The following MIER2 variants were observed in gnomAD, a reference collection of about 807,000 sequenced individuals.
MIER2 encodes the protein MIER family member 2, also known as mesoderm induction early response protein 2.
Under a neutral mutation model 67.6 loss-of-function variants are expected in MIER2, and 30 were observed. The observed-to-expected ratio is 0.44, with a 90% confidence interval of 0.33 to 0.60. MIER2 has a LOEUF of 0.60. Ranked by LOEUF, MIER2 falls within the 20% of genes least tolerant of loss-of-function variation. MIER2 has a pLI of 0.02. For missense variants in MIER2, 702 were observed against 745.1 expected (o/e 0.94, Z 0.67); for synonymous variants, 372 against 312.6 (o/e 1.19, Z -2.00).
At chr19:315,352 C>T (rs1010856362) in intron 7 of MIER2, among the ~76,000 whole-genome samples, 6 of 152,228 alleles carry the variant, frequency 3.9e-5, no homozygotes, top group South Asian at 2.1e-4. Flanking sequence ...GCGAGAAGAG[C>T]GAGACTCCGT....
rs1261712357 is a variant in MIER2, at chr19:344,466, G to T, written c.9+308C>A. 5 of 765,758 alleles carry T rather than the reference G, an allele frequency of 6.5e-6. No individual in the cohort carries two copies. In the African/African-American group the frequency reaches 9.5e-5, roughly 15 times the overall value. 47.4% of individuals were successfully genotyped at this position (765,758 alleles called of 1,614,324 possible). A position where few individuals can be genotyped will look rare whatever the true frequency, so the allele number is the denominator to read the frequency against. On this transcript the variant is annotated intron_variant, in intron 1 of 13. Coordinates refer to ENST00000264819, the MANE Select transcript of MIER2 (RefSeq NM_017550.3). ...GGAGCCGCGCGCCCACCGGACCCCC[G>T]ACACCAGCCCCGCCCCGCGTCCCTC...
At chr19:313,452 C>T in intron 8 of MIER2, 40 bp downstream of exon 8, 6 of 1,596,326 alleles carry the variant, frequency 3.8e-6, no homozygotes, top group Non-Finnish European at 5.1e-6. Flanking sequence ...CACGCCACGG[C>T]AGCCCTCAGC....
chr19:317,154 G>A (rs767015926), intron 7 of MIER2, among the ~76,000 whole-genome samples: 5 of 152,150 alleles, frequency 3.3e-5, no homozygotes, highest in Non-Finnish European at 7.3e-5. Flanking sequence ...CAGCACTTTG[G>A]GAGGCCGACG....
chr19:334,213 T>C, intron 3 of MIER2, 187 bp downstream of exon 3: 1 of 762,574 alleles, frequency 1.3e-6, no homozygotes, highest in Admixed American at 2.6e-5. Flanking sequence ...ACCACCGTGC[T>C]GCTCAGAGAG....
rs555215109 is a variant in MIER2, at chr19:329,483, A to T, written c.244-1494T>A. Reference sequence around the variant, plus strand: ...CTTGCACTGATAGTGCAGCATTGGCAGCCGGCAAGAGCCCAGTGCCCGTGG... The same window carrying T: ...CTTGCACTGATAGTGCAGCATTGGCTGCCGGCAAGAGCCCAGTGCCCGTGG... On this transcript the variant is annotated intron_variant, in intron 3 of 13. Transcript: ENST00000264819. Among the ~76,000 whole-genome samples the T allele has an allele frequency of 2.6e-5, 4 of 152,318 alleles. No individual in the cohort carries two copies. In the East Asian group the frequency reaches 7.7e-4, roughly 29 times the overall value.
intron 3 of MIER2, among the ~76,000 whole-genome samples, chr19:332,139 C>T (rs1972056973): frequency 6.6e-6 from 1 of 151,968 alleles, no homozygotes; most frequent in Non-Finnish European, 1.5e-5. Flanking sequence ...ATTTATTCAG[C>T]CTCCTGAGTA....
intron 8 of MIER2, among the ~76,000 whole-genome samples, chr19:313,239 A>G (rs1971091473): frequency 6.6e-6 from 1 of 151,982 alleles, no homozygotes; most frequent in African/African-American, 2.4e-5. Context: ...CTACACCTCT[A>G]TCCAGGGAGT....
intron 3 of MIER2, 26 bp downstream of exon 3, chr19:334,374 G>T (rs747269350): frequency 2.5e-6 from 4 of 1,613,372 alleles, no homozygotes; most frequent in Non-Finnish European, 3.4e-6. Flanking sequence ...ACCCAACACA[G>T]GGGCAGGATC....
chr19:335,396 A>G (rs1972198077), intron 2 of MIER2, among the ~76,000 whole-genome samples: 1 of 152,200 alleles, frequency 6.6e-6, no homozygotes. Context: ...CGTTAGAGTG[A>G]GGGAATGACC....
chr19:312,326 A>T, intron 8 of MIER2, 54 bp from the exon 9 acceptor site: 1 of 1,563,564 alleles, frequency 6.4e-7, no homozygotes, highest in Non-Finnish European at 8.8e-7. Flanking sequence ...AGCCGACAGC[A>T]AGAACTGTCT....
At chr19:344,157 A>C (rs1441883656) in intron 1 of MIER2, 1 of 985,280 alleles carries the variant, frequency 1.0e-6, no homozygotes, top group Admixed American at 6.1e-5. Flanking sequence ...CTCTTCTGAG[A>C]TCAGCCCCGA....
At chr19:315,897 C>T (rs1395097075) in intron 7 of MIER2, among the ~76,000 whole-genome samples, 3 of 152,100 alleles carry the variant, frequency 2.0e-5, no homozygotes, top group Non-Finnish European at 4.4e-5. Context: ...CACAGGAGAG[C>T]CAAACTGGTG....
At chr19:338,083 G>A (rs1269490165) in intron 1 of MIER2, among the ~76,000 whole-genome samples, 40 of 135,704 alleles carry the variant, frequency 2.9e-4, no homozygotes, top group African/African-American at 1.0e-3. Context: ...GAGGCAGGAG[G>A]ATCGCTTGAA....
chr19:306,841 C>T (rs945202151), intron 13 of MIER2, 130 bp from the exon 14 acceptor site: 28 of 1,442,674 alleles, frequency 1.9e-5, no homozygotes, highest in African/African-American at 9.9e-5. Context: ...CAGCCGGGCC[C>T]GGGGTGCCCT....
At chr19:325,797 G>T (rs1296412483) in intron 6 of MIER2, 93 bp from the exon 7 acceptor site, 6 of 1,394,248 alleles carry the variant, frequency 4.3e-6, no homozygotes, top group Non-Finnish European at 6.1e-6. Flanking sequence ...CTTACGGGGA[G>T]GGGCCACTGT....
In MIER2 at chr19:308,947, C is replaced by T. The variant is rs1970796135; in HGVS notation, c.985-22G>A. On this transcript the variant is annotated intron_variant, in intron 10 of 13. Transcript: ENST00000264819. The surrounding 1 kb of genome is among the most constrained non-coding windows in gnomAD (Gnocchi z 9.1). ...GCACCTGCGGGGAGGGGTCAGGAGCCATCTCTGTCCCCGGCTGCCCAGCCC... is the reference window on the plus strand; with the variant it reads ...GCACCTGCGGGGAGGGGTCAGGAGCTATCTCTGTCCCCGGCTGCCCAGCCC... The T allele has an allele frequency of 6.3e-7, 1 of 1,589,194 alleles. No individual in the cohort carries two copies. The highest frequency in any genetic ancestry group is 8.6e-7 in the Non-Finnish European group (1 of 1,161,742).
intron 3 of MIER2, among the ~76,000 whole-genome samples, chr19:328,472 A>G (rs1971870251): frequency 6.6e-6 from 1 of 152,062 alleles, no homozygotes; most frequent in Non-Finnish European, 1.5e-5. Context: ...AACAGGCCAG[A>G]CACAGTAGTT....
At chr19:317,742 A>C (rs545115047) in intron 7 of MIER2, among the ~76,000 whole-genome samples, 80 of 150,470 alleles carry the variant, frequency 5.3e-4, no homozygotes, top group African/African-American at 1.9e-3. Flanking sequence ...AAAAAAAAAA[A>C]AAAAACAAAC....
intron 1 of MIER2, among the ~76,000 whole-genome samples, chr19:339,618 A>C (rs1972415377): frequency 6.6e-6 from 1 of 152,228 alleles, no homozygotes; most frequent in South Asian, 2.1e-4. Context: ...TGACAAAAAC[A>C]AAACAAAGCA....
Sources: allele counts gnomAD v4.1 joint callset (sites outside exome capture counted in the v4.1 genomes callset), GRCh38; gene constraint gnomAD v4.1.1; non-coding constraint Gnocchi (gnomAD v3.1); transcripts MANE v1.5; gene names NCBI Gene and HGNC (gene_info 2026-07-23, HGNC 2026-07-21).